IRX2: variants seen among roughly 807,000 people sequenced by gnomAD.
IRX2 encodes the protein iroquois homeobox 2.
A neutral mutation model predicts 42.9 loss-of-function variants in IRX2; 26 were observed. The ratio of observed to expected loss-of-function variants is 0.61; its 90% CI spans 0.44 to 0.84. The LOEUF is 0.84. Among genes scored for constraint, IRX2 ranks in the 40% least tolerant of loss-of-function variants. The pLI is 0.00. For synonymous variants in IRX2, 424 were observed against 353.9 expected (o/e 1.20, Z -2.22); for missense variants, 782 against 713.9 (o/e 1.10, Z -1.09).
Position 2,751,031 on chromosome 5 carries a change from G to T in IRX2, c.249+134C>A. 3 of 1,057,104 alleles carry T rather than the reference G, an allele frequency of 2.8e-6. No individual in the cohort carries two copies. The highest frequency in any genetic ancestry group is 3.5e-6 in the Non-Finnish European group (3 of 847,122). The allele number at this position is 1,057,104 out of a possible 1,614,324, so 65.5% of individuals were successfully genotyped here. On this transcript the variant is annotated intron_variant, in intron 1 of 3. Coordinates refer to ENST00000302057, the MANE Select transcript of IRX2 (RefSeq NM_033267.5). The surrounding 1 kb of genome is among the most constrained non-coding windows in gnomAD (Gnocchi z 4.0). ...CTCAGCCTGCGGGGCGGCCAACCGA[G>T]CCGGCGACTCCTGAGTCGCCAGCCG...
the IRX2 span, among the ~76,000 whole-genome samples, chr5:2,740,696 A>C: frequency 4.3e-3 from 658 of 152,142 alleles, 3 homozygotes; most frequent in African/African-American, 0.015. Context: ...CCTGCGGGGA[A>C]GGACGTGGGC....
chr5:2,738,686 C>T, the IRX2 span, among the ~76,000 whole-genome samples: 1 of 152,164 alleles, frequency 6.6e-6, no homozygotes, highest in Admixed American at 6.5e-5. Context: ...AAAGCACCCA[C>T]CCCTCCCCAT....
At position 2,751,188 on chromosome 5, in the gene IRX2, C is replaced by G; in HGVS notation, c.226G>C (p.Ala76Pro). ...ACCATGTAGGACGGGAAGCCGGCGG[C>G]GGCGGCGGCGGCGTCGGCCGAGTAC... ...LQYSADAAAA[A>P]AGFPSYMGAP... The change falls in exon 1 of 4, where the codon GCC (alanine) becomes CCC (proline). Residue 76 changes from alanine to proline, a missense_variant. Around this residue, in one of 3 missense-constraint regions of IRX2, gnomAD observed 256 missense variants for 250.0 expected, o/e 1.02. Coordinates refer to ENST00000302057, the MANE Select transcript of IRX2 (RefSeq NM_033267.5). The surrounding 1 kb of genome is among the most constrained non-coding windows in gnomAD (Gnocchi z 4.0). The G allele has an allele frequency of 1.6e-6, 2 of 1,268,240 alleles. No homozygotes were observed. The highest frequency in any genetic ancestry group is 2.0e-6 in the Non-Finnish European group (2 of 1,008,770). 78.6% of individuals were successfully genotyped at this position (1,268,240 alleles called of 1,614,324 possible).
chr5:2,738,361 T>C, the IRX2 span, among the ~76,000 whole-genome samples: 1 of 152,176 alleles, frequency 6.6e-6, no homozygotes, highest in African/African-American at 2.4e-5. Context: ...AGGAGTTGAG[T>C]ATTACATTAG....
Position 2,747,095 on chromosome 5 carries a change from CAA to C in IRX2, c.*467_*468del, listed in dbSNP as rs755324221. 3 of 152,022 alleles carry C rather than the reference CAA, an allele frequency of 2.0e-5. No homozygotes were observed. The highest frequency in any genetic ancestry group is 2.9e-5 in the Non-Finnish European group (2 of 68,020). 9.4% of individuals were successfully genotyped at this position (152,022 alleles called of 1,614,324 possible). On this transcript the variant is annotated 3_prime_UTR_variant, in exon 4 of 4. Coordinates refer to ENST00000302057, the MANE Select transcript of IRX2 (RefSeq NM_033267.5). ...TCATCTATAAAGGTTTTTGCTACTC[CAA>C]GTTTTGGTAGCCCAAGCTCATCAAA...
chr5:2,745,264 G>A (rs1413259898), downstream of IRX2, among the ~76,000 whole-genome samples: 2 of 152,134 alleles, frequency 1.3e-5, no homozygotes, highest in African/African-American at 4.8e-5. Flanking sequence ...TGAAAAATAA[G>A]TGTATGATTG....
chr5:2,741,195 T>TA (rs1474383567), downstream of IRX2, among the ~76,000 whole-genome samples: 1 of 152,268 alleles, frequency 6.6e-6, no homozygotes, highest in Non-Finnish European at 1.5e-5. Context: ...TGTCAAGGGT[T>TA]AAACCGTTCG....
intron 2 of IRX2, 98 bp from the exon 3 acceptor site, chr5:2,749,150 G>C (rs1737820961): frequency 6.6e-7 from 1 of 1,507,790 alleles, no homozygotes; most frequent in African/African-American, 1.4e-5. Context: ...CCTCCCCACG[G>C]GACCCCTCAC....
chr5:2,744,091 TG>T (rs1737606267), downstream of IRX2, among the ~76,000 whole-genome samples: 2 of 150,358 alleles, frequency 1.3e-5, no homozygotes, highest in Non-Finnish European at 3.0e-5. Context: ...TGTGTGTGTG[TG>T]TGTGTGTGTG....
At chr5:2,741,115 G>C (rs966693747), downstream of IRX2, among the ~76,000 whole-genome samples, 1 of 152,260 alleles carries the variant, frequency 6.6e-6, no homozygotes, top group Admixed American at 6.5e-5. Flanking sequence ...GAGCCGGACC[G>C]CAACGCCGCT....
At chr5:2,744,027 G>C (rs1009867637), downstream of IRX2, among the ~76,000 whole-genome samples, 1 of 151,878 alleles carries the variant, frequency 6.6e-6, no homozygotes, top group Non-Finnish European at 1.5e-5. Flanking sequence ...GAGCTGCTTT[G>C]AGTTTTCACC....
Position 2,748,560 on chromosome 5 carries a change from T to G in IRX2, c.1148A>C (p.Tyr383Ser). Residue 383 changes from tyrosine to serine, a missense_variant, in exon 3 of 4, where the codon TAC (tyrosine) becomes TCC (serine). Transcript: ENST00000302057. ...PASPLLGRPL[Y>S]YTSPFYGNYT... ...GTTGCCGTAGAAGGGCGACGTGTAG[T>G]AGAGGGGGCGGCCCAGCAGCGGCGA... is the stretch of plus-strand genomic sequence containing the variant. 6.4e-7 allele frequency: 1 copy of G among 1,569,340 alleles called. No individual in the cohort carries two copies. Among genetic ancestry groups the G allele is most frequent in the South Asian group, 1.1e-5 (1 of 87,548 alleles).
downstream of IRX2, among the ~76,000 whole-genome samples, chr5:2,745,165 T>G (rs986589867): frequency 6.6e-6 from 1 of 152,132 alleles, no homozygotes; most frequent in Non-Finnish European, 1.5e-5. Flanking sequence ...CCAAAGCAGC[T>G]AAAAGCATCC....
chr5:2,745,346 C>T (rs758052501), downstream of IRX2, among the ~76,000 whole-genome samples: 9 of 152,016 alleles, frequency 5.9e-5, no homozygotes, highest in Non-Finnish European at 8.8e-5. Flanking sequence ...ATTTATCTTT[C>T]GAGAGGAAAT....
chr5:2,739,507 G>A, the IRX2 span, among the ~76,000 whole-genome samples: 2 of 150,490 alleles, frequency 1.3e-5, no homozygotes, highest in Non-Finnish European at 3.0e-5. Context: ...CAGAAATACG[G>A]TGTGCAGGCA....
the IRX2 span, chr5:2,736,988 C>A: frequency 6.6e-6 from 1 of 152,198 alleles, no homozygotes; most frequent in East Asian, 1.9e-4. Context: ...ACACACAGGG[C>A]CTCATTTGTC....
chr5:2,738,149 T>C, the IRX2 span, among the ~76,000 whole-genome samples: 16 of 152,360 alleles, frequency 1.1e-4, no homozygotes, highest in East Asian at 3.1e-3. Flanking sequence ...CTGTTTGTCT[T>C]CTTTCAAAGC....
At chr5:2,743,801 C>G (rs1737598462), downstream of IRX2, among the ~76,000 whole-genome samples, 1 of 152,206 alleles carries the variant, frequency 6.6e-6, no homozygotes, top group Non-Finnish European at 1.5e-5. Context: ...TTTCCAATGA[C>G]CAGCATGGAG....
chr5:2,747,679 C>T, intron 3 of IRX2, 63 bp from the exon 4 acceptor site: 3 of 1,508,826 alleles, frequency 2.0e-6, no homozygotes, highest in Non-Finnish European at 2.8e-6. Flanking sequence ...CGCAGACCAC[C>T]GTGCACCCAC....
Sources: allele counts gnomAD v4.1 joint callset (sites outside exome capture counted in the v4.1 genomes callset), GRCh38; gene constraint gnomAD v4.1.1; regional missense constraint gnomAD v4.1.1; non-coding constraint Gnocchi (gnomAD v3.1); transcripts MANE v1.5; gene names NCBI Gene and HGNC (gene_info 2026-07-23, HGNC 2026-07-21).